Variants in ACSM1 observed in about 807,000 individuals in gnomAD.
ACSM1 encodes the protein acyl-coenzyme A synthetase ACSM1, mitochondrial.
A neutral mutation model predicts 75.8 loss-of-function variants in ACSM1; 79 were observed. The observed-to-expected ratio is 1.04, with a 90% CI of 0.87 to 1.26. The LOEUF (loss-of-function observed/expected upper bound fraction) is 1.26. Ranked by LOEUF, ACSM1 falls within the 50% of genes most tolerant of loss-of-function variation. The pLI is 0.00. For missense variants in ACSM1, 676 were observed against 720.1 expected, an observed-to-expected ratio of 0.94 and a Z score of 0.70; for synonymous variants, 279 against 265.8, an observed-to-expected ratio of 1.05 and a Z score of -0.48.
At chr16:20,632,268 C>T (rs2017399489) in intron 10 of ACSM1, among the ~76,000 whole-genome samples, 1 of 152,002 alleles carries the variant, frequency 6.6e-6, no homozygotes, top group Non-Finnish European at 1.5e-5. Context: ...AATAGAAAAA[C>T]AACAAAGAAA....
At chr16:20,678,736 C>T (rs1016917169) in intron 4 of ACSM1, among the ~76,000 whole-genome samples, 1 of 152,226 alleles carries the variant, frequency 6.6e-6, no homozygotes, top group Admixed American at 6.5e-5. Flanking sequence ...ATATAGCCTA[C>T]AGACTGCAGA....
intron 4 of ACSM1, chr16:20,679,783 C>T (rs1423614065): frequency 6.6e-6 from 1 of 152,160 alleles, no homozygotes; most frequent in African/African-American, 2.4e-5. Context: ...AGGAAATAAT[C>T]AGCTATATGT....
intron 6 of ACSM1, among the ~76,000 whole-genome samples, chr16:20,663,811 T>C (rs1382592892): frequency 6.6e-6 from 1 of 152,206 alleles, no homozygotes; most frequent in Non-Finnish European, 1.5e-5. Flanking sequence ...GCTATTCTAG[T>C]TCCCCCTTCC....
chr16:20,657,928 GT>G (rs2152250633), intron 7 of ACSM1, among the ~76,000 whole-genome samples: 1 of 152,202 alleles, frequency 6.6e-6, no homozygotes, highest in South Asian at 2.1e-4. Context: ...CCCTGCAAAC[GT>G]CATGAACTCA....
intron 4 of ACSM1, 90 bp downstream of exon 4, chr16:20,682,166 A>G (rs1379364299): frequency 1.1e-5 from 14 of 1,272,738 alleles, no homozygotes; most frequent in Middle Eastern, 5.4e-4. Context: ...TAATAAATAC[A>G]TCCTCCTCAA....
chr16:20,692,419 T>C (rs554256705), intron 1 of ACSM1, among the ~76,000 whole-genome samples: 118 of 152,294 alleles, frequency 7.7e-4, no homozygotes, highest in Non-Finnish European at 1.3e-3. Context: ...GGCTGACAAT[T>C]GGGTGAGTTT....
intron 1 of ACSM1, among the ~76,000 whole-genome samples, chr16:20,694,095 A>C (rs894968136): frequency 6.6e-6 from 1 of 152,228 alleles, no homozygotes; most frequent in African/African-American, 2.4e-5. Flanking sequence ...TTGCTTATTT[A>C]AAAGTGTTTT....
intron 10 of ACSM1, among the ~76,000 whole-genome samples, chr16:20,635,649 T>A (rs1168322619): frequency 8.6e-6 from 1 of 116,742 alleles, no homozygotes; most frequent in Non-Finnish European, 1.9e-5. Context: ...TCTTTCTTTC[T>A]TTCATTTTGA....
At chr16:20,675,081 G>A (rs1313514789) in intron 4 of ACSM1, among the ~76,000 whole-genome samples, 1 of 152,166 alleles carries the variant, frequency 6.6e-6, no homozygotes, top group Non-Finnish European at 1.5e-5. Flanking sequence ...CACCCCAACT[G>A]GGAGTGTGTG....
chr16:20,636,650 A>C lies in ACSM1; in HGVS notation c.1299+89T>G, dbSNP rs528046284. 3.6e-5 allele frequency: 32 copies of C among 899,564 alleles called. 1 individual carries two copies. The South Asian group carries it at 4.2e-4, about 12-fold the overall frequency. The allele number at this position is 899,564 out of a possible 1,614,324, so 55.7% of individuals were successfully genotyped here. ...TCATTCATTTCATTGAGTTAGAGCA[A>C]ATAAAAGAGGACTTGAAGAAGCCTC... is the stretch of plus-strand genomic sequence containing the variant. On this transcript the variant is annotated intron_variant, in intron 10 of 13. Coordinates refer to ENST00000520010, the MANE Select transcript of ACSM1 (RefSeq NM_001318890.3).
chr16:20,630,876 C>G (rs752591580), intron 10 of ACSM1, among the ~76,000 whole-genome samples: 11 of 152,194 alleles, frequency 7.2e-5, no homozygotes, highest in Non-Finnish European at 1.5e-4. Context: ...TAAAAAATCA[C>G]AAATTTTCCC....
intron 7 of ACSM1, among the ~76,000 whole-genome samples, chr16:20,656,200 T>C (rs2018949051): frequency 6.6e-6 from 1 of 152,170 alleles, no homozygotes; most frequent in South Asian, 2.1e-4. Flanking sequence ...TGCATGCCTG[T>C]TATATCTCTA....
rs924107854 is a variant in ACSM1, at chr16:20,623,692, C to T, written c.1648-120G>A. On this transcript the variant is annotated intron_variant, in intron 13 of 13. Coordinates refer to ENST00000520010, the MANE Select transcript of ACSM1 (RefSeq NM_001318890.3). Reference sequence around the variant, plus strand: ...ATGCAGGCTGACACCATATGGTGGCCTTAATGGAGTCCCCAAGTATTTCAG... The same window carrying T: ...ATGCAGGCTGACACCATATGGTGGCTTTAATGGAGTCCCCAAGTATTTCAG... 109 of 988,882 alleles carry T rather than the reference C, an allele frequency of 1.1e-4. No homozygotes were observed. The African/African-American group carries it at 1.6e-3, about 14-fold the overall frequency. 61.3% of individuals were successfully genotyped at this position (988,882 alleles called of 1,614,324 possible).
At chr16:20,647,674 G>A (rs145959988) in intron 7 of ACSM1, among the ~76,000 whole-genome samples, 82 of 152,092 alleles carry the variant, frequency 5.4e-4, no homozygotes, top group African/African-American at 1.7e-3. Flanking sequence ...TACTAATTAC[G>A]ATATCTAGTA....
At chr16:20,647,587 G>C (rs2018435315) in intron 7 of ACSM1, among the ~76,000 whole-genome samples, 3 of 152,150 alleles carry the variant, frequency 2.0e-5, no homozygotes, top group Admixed American at 2.0e-4. Flanking sequence ...GAAAAATGAA[G>C]CTGGATGACC....
intron 6 of ACSM1, among the ~76,000 whole-genome samples, chr16:20,662,182 G>A (rs1249501756): frequency 6.6e-6 from 1 of 152,172 alleles, no homozygotes; most frequent in Non-Finnish European, 1.5e-5. Flanking sequence ...CAAAAGTTCT[G>A]TAGGAACACA....
At chr16:20,641,774 C>G (rs1045358897) in intron 7 of ACSM1, among the ~76,000 whole-genome samples, 3 of 152,312 alleles carry the variant, frequency 2.0e-5, no homozygotes, top group Admixed American at 1.3e-4. Context: ...CCCAACATTC[C>G]TGGGTGCCCA....
intron 7 of ACSM1, among the ~76,000 whole-genome samples, chr16:20,652,897 T>A (rs916454899): frequency 1.3e-5 from 2 of 152,144 alleles, no homozygotes; most frequent in African/African-American, 4.8e-5. Context: ...TCCCTAACTC[T>A]TTTTATGAGG....
chr16:20,665,516 A>G (rs1303416075), intron 6 of ACSM1, among the ~76,000 whole-genome samples: 1 of 152,164 alleles, frequency 6.6e-6, no homozygotes, highest in African/African-American at 2.4e-5. Context: ...TAATCCCAAA[A>G]AGCCCTGGAC....
Sources: allele counts gnomAD v4.1 joint callset (sites outside exome capture counted in the v4.1 genomes callset), GRCh38; gene constraint gnomAD v4.1.1; transcripts MANE v1.5; gene names NCBI Gene and HGNC (gene_info 2026-07-23, HGNC 2026-07-21).